CSMD3: variants seen among roughly 807,000 people sequenced by gnomAD.
CSMD3 encodes the protein CUB and Sushi multiple domains 3, also known as CUB and sushi domain-containing protein 3.
In CSMD3, 177 loss-of-function variants were observed where a neutral mutation model predicts 435.2. That is an observed-to-expected ratio of 0.41 (90% CI 0.36 to 0.46). The LOEUF (loss-of-function observed/expected upper bound fraction) is 0.46. CSMD3 is among the 20% of genes least tolerant of loss of function. The pLI, the probability that CSMD3 is intolerant of heterozygous loss-of-function variation, is 0.34. For missense variants in CSMD3, 4,265 were observed against 4,504.6 expected, an observed-to-expected ratio of 0.95 and a Z score of 1.52; for synonymous variants, 1,656 against 1,520.5, an observed-to-expected ratio of 1.09 and a Z score of -2.07.
At chr8:113,018,937 G>C in intron 6 of CSMD3, 130 bp downstream of exon 6, 2 of 712,406 alleles carry the variant, frequency 2.8e-6, no homozygotes, top group South Asian at 3.0e-5. Context: ...CTCAGCAACA[G>C]CATGACCATT....
chr8:112,926,739 G>C (rs573715614), intron 9 of CSMD3, among the ~76,000 whole-genome samples: 3 of 151,934 alleles, frequency 2.0e-5, no homozygotes, highest in Admixed American at 1.3e-4. Context: ...AACAAATACA[G>C]AAATATGGAA....
At position 113,391,530 on chromosome 8, in the gene CSMD3, TTATAC is replaced by T. The variant is rs1342309826; in HGVS notation, c.178+45142_178+45146del. Among the ~76,000 whole-genome samples, 17 of 152,120 alleles carry T rather than the reference TTATAC, an allele frequency of 1.1e-4. No homozygotes were observed. In the East Asian group the frequency reaches 3.1e-3, roughly 28 times the overall value. ...CATAGCATTAAGAAATTATGGAAAGTTATACCTAGTTTTGGGGATGTTTTAATTAG... is the reference window on the plus strand; with the variant it reads ...CATAGCATTAAGAAATTATGGAAAGTCTAGTTTTGGGGATGTTTTAATTAG... On this transcript the variant is annotated intron_variant, in intron 1 of 70. Transcript: ENST00000297405.
intron 30 of CSMD3, among the ~76,000 whole-genome samples, chr8:112,499,252 G>GT (rs1207344533): frequency 1.3e-5 from 2 of 151,786 alleles, no homozygotes; most frequent in African/African-American, 4.8e-5. Flanking sequence ...TAAATCCAAG[G>GT]TATCAAAAAA....
chr8:112,445,051 TG>T, intron 32 of CSMD3, among the ~76,000 whole-genome samples: 1 of 152,236 alleles, frequency 6.6e-6, no homozygotes, highest in Admixed American at 6.5e-5. Context: ...AAGACCAGTC[TG>T]GGCAACATGG....
chr8:113,018,600 T>G (rs994267837), intron 6 of CSMD3, among the ~76,000 whole-genome samples: 2 of 152,160 alleles, frequency 1.3e-5, no homozygotes, highest in African/African-American at 4.8e-5. Flanking sequence ...CATCAAATAT[T>G]ATATCCTATG....
At chr8:112,370,730 A>AT (rs5894081) in intron 38 of CSMD3, among the ~76,000 whole-genome samples, 2 of 151,614 alleles carry the variant, frequency 1.3e-5, no homozygotes, top group Non-Finnish European at 2.9e-5. Context: ...CTCTCCATCT[A>AT]TTTTTTTCTA....
At chr8:113,150,438 T>C (rs1588157018) in intron 4 of CSMD3, among the ~76,000 whole-genome samples, 1 of 152,064 alleles carries the variant, frequency 6.6e-6, no homozygotes, top group Non-Finnish European at 1.5e-5. Context: ...GGCTAGGATC[T>C]GAAAGCCTCA....
chr8:112,510,983 T>C (rs572655268), intron 28 of CSMD3, among the ~76,000 whole-genome samples: 1 of 152,328 alleles, frequency 6.6e-6, no homozygotes, highest in South Asian at 2.1e-4. Flanking sequence ...TATTTTACCT[T>C]TGGGGCTCTG....
At chr8:112,871,446 G>T (rs779686286) in intron 10 of CSMD3, among the ~76,000 whole-genome samples, 1 of 152,068 alleles carries the variant, frequency 6.6e-6, no homozygotes, top group Non-Finnish European at 1.5e-5. Flanking sequence ...TAAAAGATAT[G>T]CTGTAAAAAA....
At chr8:113,117,178 T>G (rs2131619915) in intron 4 of CSMD3, among the ~76,000 whole-genome samples, 1 of 152,296 alleles carries the variant, frequency 6.6e-6, no homozygotes, top group East Asian at 1.9e-4. Context: ...ATAACAAGCC[T>G]GGAGGGCTAA....
chr8:113,124,730 G>A, intron 4 of CSMD3, among the ~76,000 whole-genome samples: 1 of 151,914 alleles, frequency 6.6e-6, no homozygotes, highest in Non-Finnish European at 1.5e-5. Flanking sequence ...TAGTTGAAAA[G>A]CTTAATAAGG....
intron 32 of CSMD3, among the ~76,000 whole-genome samples, chr8:112,470,673 C>G (rs1586432077): frequency 6.6e-6 from 1 of 151,750 alleles, no homozygotes; most frequent in Non-Finnish European, 1.5e-5. Flanking sequence ...CTGCTCACAT[C>G]TCTAATCTAT....
intron 24 of CSMD3, among the ~76,000 whole-genome samples, chr8:112,562,721 A>G (rs1828740978): frequency 6.6e-6 from 1 of 151,726 alleles, no homozygotes; most frequent in African/African-American, 2.4e-5. Context: ...TATATTTAAT[A>G]TTTGGTGATT....
intron 53 of CSMD3, among the ~76,000 whole-genome samples, chr8:112,299,225 G>A (rs1820669747): frequency 1.3e-5 from 2 of 151,992 alleles, no homozygotes; most frequent in Non-Finnish European, 2.9e-5. Flanking sequence ...ACCGTGAAGG[G>A]GCATAAGAAA....
At chr8:112,668,412 C>A (rs952620743) in intron 16 of CSMD3, among the ~76,000 whole-genome samples, 2 of 152,050 alleles carry the variant, frequency 1.3e-5, no homozygotes, top group African/African-American at 4.8e-5. Flanking sequence ...TTCACTCATT[C>A]ATTCAACCTA....
chr8:112,984,313 G>T (rs1564178297), intron 6 of CSMD3, among the ~76,000 whole-genome samples: 1 of 151,706 alleles, frequency 6.6e-6, no homozygotes, highest in Non-Finnish European at 1.5e-5. Context: ...AACAAAAACT[G>T]TCTTTTAATA....
At chr8:113,191,109 T>C (rs1057209147) in intron 3 of CSMD3, among the ~76,000 whole-genome samples, 14 of 151,858 alleles carry the variant, frequency 9.2e-5, no homozygotes, top group African/African-American at 3.4e-4. Flanking sequence ...TCTTTCAATG[T>C]TCTCTTTCTT....
chr8:112,931,067 G>A (rs2083091740), intron 9 of CSMD3, among the ~76,000 whole-genome samples: 2 of 151,904 alleles, frequency 1.3e-5, no homozygotes, highest in South Asian at 4.2e-4. Context: ...GTTACCTTTA[G>A]ATGAGTTACA....
chr8:113,204,062 C>T (rs1432530501), intron 3 of CSMD3, among the ~76,000 whole-genome samples: 7 of 152,132 alleles, frequency 4.6e-5, no homozygotes. Flanking sequence ...AATTTTCTGT[C>T]GTAATATTTT....
Sources: gnomAD v4.1 joint callset for allele counts (sites outside exome capture counted in the v4.1 genomes callset) on GRCh38, gnomAD v4.1.1 for gene constraint, MANE v1.5 for transcripts, NCBI Gene and HGNC (gene_info 2026-07-23, HGNC 2026-07-21) for gene names.